CEP83: variants seen among roughly 807,000 people sequenced by gnomAD.
CEP83 encodes centrosomal protein 83.
Under a neutral mutation model 101.9 loss-of-function variants are expected in CEP83, and 70 were observed. The observed-to-expected ratio is 0.69, with a 90% CI of 0.57 to 0.84. CEP83 has a LOEUF of 0.84. CEP83 is among the 40% of genes least tolerant of loss of function. CEP83 has a pLI of 0.00. For synonymous variants in CEP83, 264 were observed against 267.9 expected (o/e 0.99, Z 0.14); for missense variants, 715 against 787.2 (o/e 0.91, Z 1.10).
At chr12:94,375,682 G>T (rs972528483) in intron 8 of CEP83, among the ~76,000 whole-genome samples, 5 of 152,118 alleles carry the variant, frequency 3.3e-5, no homozygotes, top group African/African-American at 1.2e-4. Flanking sequence ...CACAAAATTT[G>T]TCACTGTACA....
intron 2 of CEP83, chr12:94,424,866 T>C: frequency 6.2e-7 from 1 of 1,602,384 alleles, no homozygotes; most frequent in Non-Finnish European, 8.6e-7. Context: ...TTGCTTGGGC[T>C]AGGTGGTGCC....
chr12:94,357,006 A>G (rs2060508910), intron 11 of CEP83, among the ~76,000 whole-genome samples: 1 of 152,184 alleles, frequency 6.6e-6, no homozygotes, highest in Admixed American at 6.5e-5. Flanking sequence ...TGTGGGGAAC[A>G]ATACCCTTCC....
chr12:94,398,208 T>G (rs1018278607), intron 6 of CEP83, among the ~76,000 whole-genome samples: 1 of 152,194 alleles, frequency 6.6e-6, no homozygotes, highest in Non-Finnish European at 1.5e-5. Context: ...TTATGGCATA[T>G]GCAAATATAA....
At chr12:94,405,189 C>T (rs1341842008) in intron 4 of CEP83, among the ~76,000 whole-genome samples, 1 of 152,084 alleles carries the variant, frequency 6.6e-6, no homozygotes, top group Non-Finnish European at 1.5e-5. Flanking sequence ...TTACATGGCT[C>T]CTGTTTCAAA....
intron 4 of CEP83, 74 bp from the exon 5 acceptor site, chr12:94,403,336 T>C: frequency 1.4e-6 from 1 of 705,292 alleles, no homozygotes; most frequent in Non-Finnish European, 2.4e-6. Context: ...AAAGCCTCTC[T>C]CCTAATTATG....
At chr12:94,365,763 G>A (rs2060991359) in intron 11 of CEP83, among the ~76,000 whole-genome samples, 1 of 133,086 alleles carries the variant, frequency 7.5e-6, no homozygotes, top group Non-Finnish European at 1.6e-5. Flanking sequence ...GAGCAAGACT[G>A]TGTTTGAAAA....
chr12:94,277,816 C>T, the CEP83 span: 45,288 of 387,528 alleles, frequency 0.12, 3,020 homozygotes, highest in Admixed American at 0.18. Flanking sequence ...AGCCTGGCCC[C>T]GTGCTAAGCC....
intron 2 of CEP83, among the ~76,000 whole-genome samples, chr12:94,430,376 A>G (rs1207711732): frequency 6.6e-6 from 1 of 152,140 alleles, no homozygotes; most frequent in Non-Finnish European, 1.5e-5. Context: ...AGAAATCAGA[A>G]AAACAATTCC....
At chr12:94,310,209 G>C (rs1213454546) in intron 15 of CEP83, 102 bp from the exon 16 acceptor site, 6 of 468,922 alleles carry the variant, frequency 1.3e-5, no homozygotes, top group South Asian at 5.5e-5. Context: ...TAAATTATGA[G>C]ATCTATATAT....
At chr12:94,430,737 A>G (rs1326748704) in intron 2 of CEP83, among the ~76,000 whole-genome samples, 1 of 152,214 alleles carries the variant, frequency 6.6e-6, no homozygotes, top group Admixed American at 6.5e-5. Flanking sequence ...AAGTCTAGCA[A>G]GGGATTTAAA....
chr12:94,300,190 A>G, the CEP83 span, among the ~76,000 whole-genome samples: 2 of 152,226 alleles, frequency 1.3e-5, no homozygotes, highest in South Asian at 2.1e-4. Context: ...ACTAAATGCA[A>G]TATGCAAACA....
At chr12:94,269,698 C>T in the CEP83 span, among the ~76,000 whole-genome samples, 250 of 152,324 alleles carry the variant, frequency 1.6e-3, no homozygotes, top group African/African-American at 5.8e-3. Flanking sequence ...AATACTCCTA[C>T]CATTTGTGGA....
chr12:94,268,949 C>T, the CEP83 span, among the ~76,000 whole-genome samples: 6 of 151,920 alleles, frequency 3.9e-5, no homozygotes, highest in Non-Finnish European at 7.4e-5. Flanking sequence ...AAATTTTGAA[C>T]ATGTTTGATT....
At chr12:94,458,912 T>A (rs2067919325) in intron 1 of CEP83, among the ~76,000 whole-genome samples, 1 of 152,220 alleles carries the variant, frequency 6.6e-6, no homozygotes, top group African/African-American at 2.4e-5. Context: ...TAGTTAAATG[T>A]CAGACTTGTT....
chr12:94,355,586 T>C (rs1264668614), intron 11 of CEP83, among the ~76,000 whole-genome samples: 1 of 152,234 alleles, frequency 6.6e-6, no homozygotes, highest in Non-Finnish European at 1.5e-5. Context: ...CAAAAAGATG[T>C]TGGGAGCAAG....
chr12:94,343,470 C>CTTTTTTTTTTTTTTTTTTTTT (rs1161481202), intron 11 of CEP83, among the ~76,000 whole-genome samples: 3 of 84,168 alleles, frequency 3.6e-5, no homozygotes, highest in African/African-American at 5.2e-5. Context: ...TAGAAATTAA[C>CTTTTTTTTTTTTTTTTTTTTT]TTTTTTTTTT....
intron 6 of CEP83, among the ~76,000 whole-genome samples, chr12:94,399,774 T>C (rs927712098): frequency 6.6e-6 from 1 of 152,188 alleles, no homozygotes; most frequent in Non-Finnish European, 1.5e-5. Context: ...TCACTGACTA[T>C]TGTAATAGAA....
rs1406372410 is a variant in CEP83, at chr12:94,412,794, T to C, written c.-101-203A>G. 2.0e-5 allele frequency among the ~76,000 whole-genome samples: 3 copies of C among 149,494 alleles called. No individual in the cohort carries two copies. In the East Asian group the frequency reaches 6.2e-4, roughly 31 times the overall value. On this transcript the variant is annotated intron_variant, in intron 2 of 16. Coordinates refer to ENST00000397809, the MANE Select transcript of CEP83 (RefSeq NM_016122.3). ...AACCTCCACTCCCAAGTTCAAGCAA[T>C]TCTCCTGCCTCAGCTTCCTGAATAG... is the stretch of plus-strand genomic sequence containing the variant.
chr12:94,397,447 G>A (rs187202646), intron 6 of CEP83, among the ~76,000 whole-genome samples: 80 of 152,162 alleles, frequency 5.3e-4, no homozygotes, highest in Middle Eastern at 3.4e-3. Flanking sequence ...GCAGTAAGCC[G>A]AGATTGCATC....
Sources: gnomAD v4.1 joint callset for allele counts (sites outside exome capture counted in the v4.1 genomes callset) on GRCh38, gnomAD v4.1.1 for gene constraint, MANE v1.5 for transcripts, NCBI Gene and HGNC (gene_info 2026-07-23, HGNC 2026-07-21) for gene names.